Variants in EXOC4 observed in about 807,000 individuals in gnomAD.
The protein encoded by EXOC4 is exocyst complex component 4, also known as SEC8-like 1.
Under a neutral mutation model 107.2 loss-of-function variants are expected in EXOC4, and 71 were observed. The observed-to-expected ratio is 0.66, with a 90% CI of 0.55 to 0.81. EXOC4 has a LOEUF of 0.81. Ranked by LOEUF, EXOC4 falls within the 30% of genes least tolerant of loss-of-function variation. The pLI, the probability that EXOC4 is intolerant of heterozygous loss-of-function variation, is 0.00. For missense variants in EXOC4, 1,108 were observed against 1,189.6 expected, an observed-to-expected ratio of 0.93 and a Z score of 1.01; for synonymous variants, 456 against 441.2, an observed-to-expected ratio of 1.03 and a Z score of -0.42.
At chr7:133,503,701 A>T (rs539152507) in intron 9 of EXOC4, among the ~76,000 whole-genome samples, 1 of 152,172 alleles carries the variant, frequency 6.6e-6, no homozygotes, top group Non-Finnish European at 1.5e-5. Flanking sequence ...GAAATAATTT[A>T]TAGTTATATT....
intron 3 of EXOC4, among the ~76,000 whole-genome samples, chr7:133,291,217 G>T (rs1332364422): frequency 6.6e-6 from 1 of 151,740 alleles, no homozygotes; most frequent in Non-Finnish European, 1.5e-5. Context: ...TTCGTTTTCT[G>T]TTTGGTTGTT....
chr7:134,043,656 G>A (rs1240178621), intron 17 of EXOC4, among the ~76,000 whole-genome samples: 1 of 152,184 alleles, frequency 6.6e-6, no homozygotes, highest in Non-Finnish European at 1.5e-5. Context: ...ACACCTCCCA[G>A]CATCACCGTA....
At chr7:133,942,375 A>T (rs1471173354) in intron 14 of EXOC4, among the ~76,000 whole-genome samples, 1 of 152,020 alleles carries the variant, frequency 6.6e-6, no homozygotes, top group African/African-American at 2.4e-5. Flanking sequence ...TTTTCTCTAT[A>T]AAATATTGTA....
intron 7 of EXOC4, among the ~76,000 whole-genome samples, chr7:133,424,731 G>A (rs1797686000): frequency 6.6e-6 from 1 of 152,194 alleles, no homozygotes; most frequent in East Asian, 1.9e-4. Context: ...TTAGCACTAT[G>A]AATAGAGTCA....
At chr7:133,532,139 A>T (rs939993162) in intron 9 of EXOC4, among the ~76,000 whole-genome samples, 3 of 152,064 alleles carry the variant, frequency 2.0e-5, no homozygotes, top group Non-Finnish European at 2.9e-5. Flanking sequence ...AGCACTTTAG[A>T]TTTTGAATTT....
chr7:133,569,409 A>T (rs1020426088), intron 9 of EXOC4, among the ~76,000 whole-genome samples: 8 of 152,308 alleles, frequency 5.3e-5, no homozygotes, highest in African/African-American at 1.9e-4. Context: ...TGAAAGTAAG[A>T]TAAAATGTGT....
chr7:133,886,416 T>C (rs1799088590), intron 11 of EXOC4, among the ~76,000 whole-genome samples: 1 of 152,204 alleles, frequency 6.6e-6, no homozygotes, highest in Non-Finnish European at 1.5e-5. Context: ...ATTAAATTTT[T>C]TTAAGTGCAG....
chr7:133,997,800 C>T (rs1251528705), intron 15 of EXOC4, among the ~76,000 whole-genome samples, 167 bp downstream of exon 15: 3 of 152,136 alleles, frequency 2.0e-5, no homozygotes, highest in South Asian at 4.1e-4. Context: ...TATTTGAGCG[C>T]ACAGTGTATT....
intron 10 of EXOC4, among the ~76,000 whole-genome samples, chr7:133,683,556 C>T (rs1459414846): frequency 6.6e-6 from 1 of 152,100 alleles, no homozygotes; most frequent in Non-Finnish European, 1.5e-5. Context: ...ATTATTCTTT[C>T]ACTGAATGTT....
At chr7:133,405,625 C>T (rs1266885324) in intron 7 of EXOC4, among the ~76,000 whole-genome samples, 1 of 152,154 alleles carries the variant, frequency 6.6e-6, no homozygotes, top group African/African-American at 2.4e-5. Flanking sequence ...AATTTCCAGG[C>T]TCCTCAGTGG....
Position 133,748,542 on chromosome 7 carries a change from G to A in EXOC4, c.1515-68783G>A, listed in dbSNP as rs1353650681. Reference sequence around the variant, plus strand: ...CACTAGAAGGACTTATGGAACCTTAGCATGTAATTTTATTTATGGCTATGA... The same window carrying A: ...CACTAGAAGGACTTATGGAACCTTAACATGTAATTTTATTTATGGCTATGA... On this transcript the variant is annotated intron_variant, in intron 10 of 17. Coordinates refer to ENST00000253861, the MANE Select transcript of EXOC4 (RefSeq NM_021807.4). 5.3e-5 allele frequency among the ~76,000 whole-genome samples: 8 copies of A among 152,156 alleles called. No individual in the cohort carries two copies. In the South Asian group the frequency reaches 1.7e-3, roughly 31 times the overall value.
At chr7:134,004,603 A>T (rs2116326280) in intron 15 of EXOC4, among the ~76,000 whole-genome samples, 1 of 152,290 alleles carries the variant, frequency 6.6e-6, no homozygotes, top group African/African-American at 2.4e-5. Context: ...TATAGATTAA[A>T]CAAGCAATGA....
At chr7:133,536,335 C>A (rs186653815) in intron 9 of EXOC4, among the ~76,000 whole-genome samples, 2 of 152,230 alleles carry the variant, frequency 1.3e-5, no homozygotes, top group East Asian at 3.9e-4. Flanking sequence ...CCCTCCTCCT[C>A]TTTTTCTTCT....
intron 9 of EXOC4, among the ~76,000 whole-genome samples, chr7:133,490,096 G>A (rs920382298): frequency 6.6e-6 from 1 of 152,174 alleles, no homozygotes; most frequent in African/African-American, 2.4e-5. Context: ...CCTAGACCAT[G>A]CAGGTGAGGC....
intron 9 of EXOC4, among the ~76,000 whole-genome samples, chr7:133,606,502 A>G (rs896916957): frequency 7.0e-6 from 1 of 142,614 alleles, no homozygotes; most frequent in Non-Finnish European, 1.5e-5. Context: ...GCTGTTTATT[A>G]TTATTATTAT....
At chr7:133,333,283 T>C (rs1795436296) in intron 5 of EXOC4, among the ~76,000 whole-genome samples, 1 of 152,210 alleles carries the variant, frequency 6.6e-6, no homozygotes, top group Non-Finnish European at 1.5e-5. Context: ...TGGCCACTGG[T>C]AGCTCCTTCA....
intron 12 of EXOC4, among the ~76,000 whole-genome samples, chr7:133,896,431 GGATA>G (rs1486629526): frequency 1.3e-5 from 2 of 152,112 alleles, no homozygotes; most frequent in African/African-American, 4.8e-5. Context: ...ATATAATGAA[GGATA>G]GATAGGTAAA....
At chr7:134,025,848 T>C (rs1795126943) in intron 17 of EXOC4, among the ~76,000 whole-genome samples, 1 of 152,200 alleles carries the variant, frequency 6.6e-6, no homozygotes, top group South Asian at 2.1e-4. Context: ...TCTGTCACTT[T>C]CTTAAAGCAA....
chr7:133,809,342 A>C (rs1395774796), intron 10 of EXOC4, among the ~76,000 whole-genome samples: 1 of 152,238 alleles, frequency 6.6e-6, no homozygotes, highest in African/African-American at 2.4e-5. Context: ...GATTGGCACA[A>C]TGAGGATGGG....
Sources: gnomAD v4.1 joint callset for allele counts (sites outside exome capture counted in the v4.1 genomes callset) on GRCh38, gnomAD v4.1.1 for gene constraint, MANE v1.5 for transcripts, NCBI Gene and HGNC (gene_info 2026-07-23, HGNC 2026-07-21) for gene names.